Variants in NT5DC3 observed in about 807,000 individuals in gnomAD.
NT5DC3 encodes 5'-nucleotidase domain-containing protein 3.
In NT5DC3, 42 loss-of-function variants were observed where a neutral mutation model predicts 67.8. That is an observed-to-expected ratio of 0.62 (90% confidence interval 0.48 to 0.80). The LOEUF is 0.80. Among genes scored for constraint, NT5DC3 ranks in the 30% least tolerant of loss-of-function variants. The pLI, the probability that NT5DC3 is intolerant of heterozygous loss-of-function variation, is 0.00. For missense variants in NT5DC3, 570 were observed against 696.4 expected (o/e 0.82, Z 2.04); for synonymous variants, 237 against 255.6 (o/e 0.93, Z 0.69).
At chr12:103,759,688 G>A in the NT5DC3 span, among the ~76,000 whole-genome samples, 2 of 152,158 alleles carry the variant, frequency 1.3e-5, no homozygotes, top group African/African-American at 2.4e-5. Flanking sequence ...TGAAAAATCA[G>A]GATGATGGTG....
intron 4 of NT5DC3, among the ~76,000 whole-genome samples, chr12:103,803,588 C>A (rs911675539): frequency 6.6e-6 from 1 of 152,014 alleles, no homozygotes; most frequent in Non-Finnish European, 1.5e-5. Context: ...AGCCCTAGTA[C>A]CCTATCCATT....
intron 1 of NT5DC3, among the ~76,000 whole-genome samples, chr12:103,833,525 C>T (rs1888018557): frequency 6.6e-6 from 1 of 152,082 alleles, no homozygotes; most frequent in South Asian, 2.1e-4. Context: ...TAGACACAGT[C>T]CTCACTAAAT....
intron 2 of NT5DC3, among the ~76,000 whole-genome samples, chr12:103,813,644 C>T (rs1887126528): frequency 6.6e-6 from 1 of 152,162 alleles, no homozygotes; most frequent in South Asian, 2.1e-4. Flanking sequence ...TCCTTCTATT[C>T]CACTCTAGCC....
intron 9 of NT5DC3, among the ~76,000 whole-genome samples, chr12:103,789,709 G>A (rs1460133021): frequency 6.6e-6 from 1 of 152,170 alleles, no homozygotes; most frequent in Non-Finnish European, 1.5e-5. Flanking sequence ...AGAAGCACTA[G>A]TTTATGGTGG....
intron 13 of NT5DC3, 131 bp downstream of exon 13, chr12:103,780,169 G>A (rs1193984064): frequency 9.1e-6 from 7 of 768,170 alleles, no homozygotes; most frequent in South Asian, 1.5e-5. Context: ...CCTGGGGGAG[G>A]CAGACATACC....
At chr12:103,807,587 A>G (rs1415618110) in intron 2 of NT5DC3, among the ~76,000 whole-genome samples, 1 of 152,076 alleles carries the variant, frequency 6.6e-6, no homozygotes, top group South Asian at 2.1e-4. Context: ...CATTCCCCAC[A>G]CTAGGCCTAG....
intron 1 of NT5DC3, among the ~76,000 whole-genome samples, chr12:103,838,840 GA>G (rs758898544): frequency 1.3e-5 from 2 of 151,006 alleles, no homozygotes; most frequent in Non-Finnish European, 3.0e-5. Context: ...TATACTTGGT[GA>G]AAAAAAACAA....
intron 4 of NT5DC3, among the ~76,000 whole-genome samples, chr12:103,804,654 C>T (rs931175018): frequency 2.6e-5 from 4 of 151,994 alleles, no homozygotes; most frequent in Non-Finnish European, 5.9e-5. Context: ...ATCAGAGATA[C>T]CTACACAGAA....
the NT5DC3 span, chr12:103,758,076 T>G: frequency 1.3e-6 from 2 of 1,562,446 alleles, no homozygotes; most frequent in Non-Finnish European, 1.7e-6. Flanking sequence ...ACCATGAATA[T>G]TCACAGATGG....
chr12:103,746,529 G>T, the NT5DC3 span: 3 of 1,474,292 alleles, frequency 2.0e-6, no homozygotes, highest in Middle Eastern at 1.7e-4. Flanking sequence ...GTCTTGGAAA[G>T]TCTCCTTAGA....
At chr12:103,817,168 T>TG (rs1887298010) in intron 1 of NT5DC3, among the ~76,000 whole-genome samples, 1 of 151,730 alleles carries the variant, frequency 6.6e-6, no homozygotes, top group African/African-American at 2.4e-5. Flanking sequence ...ATCATAAGGG[T>TG]GACATCTCAG....
At chr12:103,832,487 A>G (rs1278486526) in intron 1 of NT5DC3, among the ~76,000 whole-genome samples, 3 of 150,848 alleles carry the variant, frequency 2.0e-5, no homozygotes, top group African/African-American at 7.4e-5. Flanking sequence ...CTTACCTTCA[A>G]AAGCTGGCAA....
intron 1 of NT5DC3, among the ~76,000 whole-genome samples, chr12:103,830,444 A>AT (rs1887879442): frequency 6.6e-6 from 1 of 151,886 alleles, no homozygotes; most frequent in South Asian, 2.1e-4. Flanking sequence ...ACTCTGAGCA[A>AT]TTTTTTCTTT....
chr12:103,767,112 C>T (rs573832796), downstream of NT5DC3, among the ~76,000 whole-genome samples: 68 of 152,210 alleles, frequency 4.5e-4, no homozygotes, highest in South Asian at 4.3e-3. Context: ...AAGATATGTC[C>T]GTACAAAAAC....
rs576636725 is a variant in NT5DC3 at position 103,776,066 on chromosome 12, G to T, written c.*1763C>A. ...ATACTAGATTAGGCTAATCTGAACA[G>T]AAGTATTGATATAGCATATGCAATT... On this transcript the variant is annotated 3_prime_UTR_variant, in exon 14 of 14. Transcript: ENST00000392876. 5.3e-5 allele frequency: 8 copies of T among 152,076 alleles called. No homozygotes were observed. Among genetic ancestry groups the T allele is most frequent in the Non-Finnish European group, 1.2e-4 (8 of 68,036 alleles). The allele number at this position is 152,076 out of a possible 1,614,324, so 9.4% of individuals were successfully genotyped here.
intron 1 of NT5DC3, among the ~76,000 whole-genome samples, chr12:103,838,849 C>A (rs771091776): frequency 6.6e-6 from 1 of 152,038 alleles, no homozygotes; most frequent in African/African-American, 2.4e-5. Context: ...TGAAAAAAAA[C>A]AACTCCAAAA....
chr12:103,839,786 T>G (rs944577610), intron 1 of NT5DC3, among the ~76,000 whole-genome samples: 1 of 152,172 alleles, frequency 6.6e-6, no homozygotes, highest in African/African-American at 2.4e-5. Context: ...AAGCCACCAT[T>G]TCATAGAATT....
chr12:103,753,380 G>T, the NT5DC3 span: 5 of 1,613,922 alleles, frequency 3.1e-6, no homozygotes, highest in Non-Finnish European at 4.2e-6. Flanking sequence ...CAGATTCTGT[G>T]CAGACAGAGT....
the NT5DC3 span, among the ~76,000 whole-genome samples, chr12:103,758,843 G>T: frequency 1.3e-5 from 2 of 152,026 alleles, no homozygotes; most frequent in South Asian, 4.1e-4. Context: ...AGCCCCACCA[G>T]CCACCTGAGG....
Sources: allele counts gnomAD v4.1 joint callset (sites outside exome capture counted in the v4.1 genomes callset), GRCh38; gene constraint gnomAD v4.1.1; transcripts MANE v1.5; gene names NCBI Gene and HGNC (gene_info 2026-07-23, HGNC 2026-07-21).